PDE4D: variants seen among roughly 807,000 people sequenced by gnomAD.
PDE4D encodes 3',5'-cyclic-AMP phosphodiesterase 4D.
PDE4D carries 24 observed loss-of-function variants against 87.4 expected under a neutral mutation model. The observed-to-expected ratio is 0.27, with a 90% confidence interval of 0.20 to 0.39. The LOEUF is 0.39. Among genes scored for constraint, PDE4D ranks in the 10% least tolerant of loss-of-function variants. PDE4D has a pLI of 1.00. For missense variants in PDE4D, 714 were observed against 1,041.0 expected, an observed-to-expected ratio of 0.69 and a Z score of 4.32; for synonymous variants, 384 against 383.2, an observed-to-expected ratio of 1.00 and a Z score of -0.02.
At chr5:60,371,046 A>G (rs1760984507) in intron 1 of PDE4D, among the ~76,000 whole-genome samples, 1 of 152,202 alleles carries the variant, frequency 6.6e-6, no homozygotes, top group African/African-American at 2.4e-5. Flanking sequence ...TTTTCATTGC[A>G]TATGATTTGA....
At position 60,499,945 on chromosome 5, in the gene PDE4D, G is replaced by A. The variant is rs140978868; in HGVS notation, n.70+22106C>T. The stretch of plus-strand genomic sequence containing the variant: ...CTACATTTAATTGGTTTTGTTTCTT[G>A]AAACATTCACTCAATTTTGATTAGC... On this transcript the variant is annotated intron_variant and non_coding_transcript_variant, in intron 1 of 2. Coordinates refer to the PDE4D transcript ENST00000506510. 6.5e-4 allele frequency among the ~76,000 whole-genome samples: 99 copies of A among 152,218 alleles called. No homozygotes were observed. In the East Asian group the frequency reaches 0.019, roughly 29 times the overall value.
intron 1 of PDE4D, among the ~76,000 whole-genome samples, chr5:60,431,859 T>C (rs1330945573): frequency 2.0e-5 from 3 of 152,204 alleles, no homozygotes; most frequent in African/African-American, 4.8e-5. Context: ...TCACTCGCGG[T>C]TAGGAGCTGG....
chr5:60,282,359 T>A (rs1752026401), intron 1 of PDE4D, among the ~76,000 whole-genome samples: 3 of 151,918 alleles, frequency 2.0e-5, no homozygotes, highest in Non-Finnish European at 4.4e-5. Flanking sequence ...CATTAGCATA[T>A]TGTAGGTTGG....
At chr5:59,637,051 A>G (rs1374602390) in intron 1 of PDE4D, among the ~76,000 whole-genome samples, 1 of 152,218 alleles carries the variant, frequency 6.6e-6, no homozygotes, top group Non-Finnish European at 1.5e-5. Context: ...CAAATTTACA[A>G]GAAACAAACA....
At chr5:59,976,207 T>G (rs994575782) in intron 3 of PDE4D, among the ~76,000 whole-genome samples, 5 of 152,180 alleles carry the variant, frequency 3.3e-5, no homozygotes, top group Non-Finnish European at 1.5e-5. Context: ...CATGTATGAT[T>G]TTATTGTTTT....
At chr5:60,042,100 G>A (rs993533958) in intron 2 of PDE4D, among the ~76,000 whole-genome samples, 1 of 152,070 alleles carries the variant, frequency 6.6e-6, no homozygotes, top group African/African-American at 2.4e-5. Flanking sequence ...AGTGGACCTG[G>A]GACACTTGAG....
chr5:59,546,362 T>A (rs1817264024), intron 1 of PDE4D, among the ~76,000 whole-genome samples: 2 of 152,166 alleles, frequency 1.3e-5, no homozygotes, highest in African/African-American at 4.8e-5. Flanking sequence ...GTATTTTTAA[T>A]CTTTATAAAA....
In PDE4D at chr5:59,790,117, G is replaced by T. The variant is rs756513270; in HGVS notation, c.455+103051C>A. ...TACTGGAGTACCTCTATCTGTAGAC[G>T]AGGAAACAGGAGCTTACAGGGGACA... is the stretch of plus-strand genomic sequence containing the variant. On this transcript the variant is annotated intron_variant, in intron 1 of 14. Transcript: ENST00000340635. Among the ~76,000 whole-genome samples, 2 of 152,152 alleles carry T rather than the reference G, an allele frequency of 1.3e-5. 1 individual carries two copies. The highest frequency in any genetic ancestry group is 4.1e-4 in the South Asian group (2 of 4,826).
At chr5:59,111,882 G>A (rs1291010256) in intron 5 of PDE4D, among the ~76,000 whole-genome samples, 1 of 152,214 alleles carries the variant, frequency 6.6e-6, no homozygotes, top group East Asian at 1.9e-4. Flanking sequence ...CTGAGGCACT[G>A]TTGTGTATAT....
chr5:59,997,899 T>C (rs990954087), intron 2 of PDE4D, among the ~76,000 whole-genome samples: 3 of 152,212 alleles, frequency 2.0e-5, no homozygotes, highest in Non-Finnish European at 4.4e-5. Context: ...AAATGAAGCT[T>C]AAACAGGTTA....
intron 1 of PDE4D, among the ~76,000 whole-genome samples, chr5:59,491,867 T>C (rs1189359160): frequency 6.6e-6 from 1 of 152,142 alleles, no homozygotes; most frequent in Non-Finnish European, 1.5e-5. Context: ...AAGAAGCAGA[T>C]AGGAGAAATA....
chr5:60,268,635 G>A (rs1750493101), intron 1 of PDE4D, among the ~76,000 whole-genome samples: 1 of 152,232 alleles, frequency 6.6e-6, no homozygotes, highest in Admixed American at 6.5e-5. Context: ...AGAGCAGGCA[G>A]ATCCTCTGGG....
Position 60,473,568 on chromosome 5 carries a change from C to A in PDE4D, c.-90+14374G>T, listed in dbSNP as rs527299558. Among the ~76,000 whole-genome samples the A allele has an allele frequency of 5.9e-5, 9 of 152,184 alleles. No individual in the cohort carries two copies. In the East Asian group the frequency reaches 1.4e-3, roughly 23 times the overall value. The stretch of plus-strand genomic sequence containing the variant: ...TAAAACTTTTTGACAATTCTTGCAA[C>A]TTCCTCTAAATTAAAATTATTTCAA... On this transcript the variant is annotated intron_variant, in intron 1 of 16. Coordinates refer to the PDE4D transcript ENST00000502484.
chr5:59,242,695 T>C (rs1486706126), intron 1 of PDE4D, among the ~76,000 whole-genome samples: 1 of 152,202 alleles, frequency 6.6e-6, no homozygotes, highest in African/African-American at 2.4e-5. Flanking sequence ...CTGTGTGCTG[T>C]AGACTGTGTT....
chr5:59,202,714 G>A (rs1439), intron 2 of PDE4D, among the ~76,000 whole-genome samples: 18,269 of 151,970 alleles, frequency 0.12, 1,390 homozygotes, highest in Middle Eastern at 0.18. Flanking sequence ...AAAAAGAGGA[G>A]GTCCCCTGCT....
intron 1 of PDE4D, among the ~76,000 whole-genome samples, chr5:59,386,391 T>C (rs1016158251): frequency 6.6e-6 from 1 of 152,166 alleles, no homozygotes; most frequent in Non-Finnish European, 1.5e-5. Context: ...TTCTTTTTAT[T>C]ACGTGACTTC....
At chr5:59,452,188 C>G (rs1180856783) in intron 1 of PDE4D, among the ~76,000 whole-genome samples, 1 of 152,108 alleles carries the variant, frequency 6.6e-6, no homozygotes, top group Non-Finnish European at 1.5e-5. Context: ...ATATTCTTCC[C>G]CTCTCCATTG....
intron 1 of PDE4D, among the ~76,000 whole-genome samples, chr5:60,419,431 G>A (rs1311131222): frequency 2.0e-5 from 3 of 151,660 alleles, no homozygotes; most frequent in Non-Finnish European, 2.9e-5. Flanking sequence ...TAAGAAGAGG[G>A]AGAGGATTTC....
intron 2 of PDE4D, among the ~76,000 whole-genome samples, chr5:60,111,536 A>G (rs931935327): frequency 2.0e-5 from 3 of 152,028 alleles, no homozygotes; most frequent in African/African-American, 7.2e-5. Flanking sequence ...AGTCATCATC[A>G]TTGGAATGGT....
Sources: allele counts gnomAD v4.1 joint callset (sites outside exome capture counted in the v4.1 genomes callset), GRCh38; gene constraint gnomAD v4.1.1; transcripts MANE v1.5; gene names NCBI Gene and HGNC (gene_info 2026-07-23, HGNC 2026-07-21).